Variants in LIN7A observed in about 807,000 individuals in gnomAD.
LIN7A encodes the protein protein lin-7 homolog A.
Under a neutral mutation model 29.8 loss-of-function variants are expected in LIN7A, and 25 were observed. The observed-to-expected ratio is 0.84, with a 90% confidence interval of 0.61 to 1.17. The LOEUF is 1.17. Ranked by LOEUF, LIN7A falls within the 50% of genes most tolerant of loss-of-function variation. The probability of loss-of-function intolerance (pLI) is 0.00; values close to 1 mark genes in which losing one functional copy is unlikely to be tolerated. For synonymous variants in LIN7A, 118 were observed against 107.5 expected, an observed-to-expected ratio of 1.10 and a Z score of -0.60; for missense variants, 239 against 287.0, an observed-to-expected ratio of 0.83 and a Z score of 1.21.
chr12:80,822,897 C>A (rs1273900491), intron 4 of LIN7A, among the ~76,000 whole-genome samples: 1 of 152,154 alleles, frequency 6.6e-6, no homozygotes, highest in South Asian at 2.1e-4. Flanking sequence ...GCCTGAAGCC[C>A]AGGGGCTGGG....
chr12:80,922,767 C>T (rs1877380211), intron 1 of LIN7A, among the ~76,000 whole-genome samples: 1 of 152,086 alleles, frequency 6.6e-6, no homozygotes, highest in Non-Finnish European at 1.5e-5. Flanking sequence ...ATGAATGATT[C>T]ATCTATTTTA....
intron 1 of LIN7A, among the ~76,000 whole-genome samples, chr12:80,917,413 T>G (rs1389981903): frequency 6.6e-6 from 1 of 152,162 alleles, no homozygotes; most frequent in African/African-American, 2.4e-5. Context: ...TTTTAATACT[T>G]AACTCACAAT....
rs1425570475 is a variant in LIN7A at position 80,807,073 on chromosome 12, T to TGTTTTTG, written c.*4391_*4392insCAAAAAC. 4.9e-4 allele frequency among the ~76,000 whole-genome samples: 26 copies of TGTTTTTG among 52,624 alleles called. 1 individual carries two copies. Among genetic ancestry groups the TGTTTTTG allele is most frequent in the South Asian group, 7.7e-4 (1 of 1,296 alleles). The allele number at this position is 52,624 out of a possible 152,430, so 34.5% of individuals were successfully genotyped here. ...TTTAATGAAGATGGAGTTTTTTTTT[T>TGTTTTTG]TTTTTTTTTTTTTTTTTTGACGGAG... On this transcript the variant is annotated intron_variant, in intron 5 of 5. Transcript: ENST00000552864.
At position 80,935,146 on chromosome 12, in the gene LIN7A, G is replaced by A. The variant is rs1357563151; in HGVS notation, c.82+2495C>T. Among the ~76,000 whole-genome samples the A allele has an allele frequency of 1.3e-5, 2 of 152,164 alleles. 1 individual carries two copies. The highest frequency in any genetic ancestry group is 2.9e-5 in the Non-Finnish European group (2 of 68,046). On this transcript the variant is annotated intron_variant, in intron 1 of 5. Transcript: ENST00000552864. Reference sequence around the variant, plus strand: ...ACATTATTTTTTTATTGTACTGTGAGTCAGGGACTATAGCAGACACTGAGA... The same window carrying A: ...ACATTATTTTTTTATTGTACTGTGAATCAGGGACTATAGCAGACACTGAGA...
At chr12:80,876,106 C>A (rs1267419329) in intron 2 of LIN7A, among the ~76,000 whole-genome samples, 1 of 142,566 alleles carries the variant, frequency 7.0e-6, no homozygotes, top group East Asian at 2.0e-4. Context: ...GAGAGACAGA[C>A]AGAGAGACAG....
At chr12:80,884,512 C>A (rs1875228418) in intron 2 of LIN7A, among the ~76,000 whole-genome samples, 1 of 152,200 alleles carries the variant, frequency 6.6e-6, no homozygotes, top group East Asian at 1.9e-4. Flanking sequence ...AGGAAGAGAA[C>A]ATGGCAAATC....
intron 2 of LIN7A, among the ~76,000 whole-genome samples, chr12:80,869,834 A>G (rs1176578459): frequency 1.3e-5 from 2 of 151,956 alleles, no homozygotes; most frequent in African/African-American, 2.4e-5. Flanking sequence ...CTGGCTCAAC[A>G]ACTGGGTAAC....
intron 5 of LIN7A, among the ~76,000 whole-genome samples, chr12:80,811,144 G>C (rs532459800): frequency 3.3e-5 from 5 of 152,256 alleles, no homozygotes; most frequent in African/African-American, 1.2e-4. Context: ...TTTGCACAGA[G>C]GCTGCATTTT....
chr12:80,797,857 C>T (rs1870527765), intron 5 of LIN7A, 131 bp from the exon 6 acceptor site: 2 of 152,400 alleles, frequency 1.3e-5, no homozygotes, highest in African/African-American at 4.8e-5. Flanking sequence ...ATCATTCATG[C>T]ACCATCTTCT....
intron 1 of LIN7A, among the ~76,000 whole-genome samples, chr12:80,917,307 T>G (rs1392382243): frequency 6.6e-6 from 1 of 152,184 alleles, no homozygotes; most frequent in Non-Finnish European, 1.5e-5. Context: ...CCAGCCATAT[T>G]AAGAATATTA....
intron 2 of LIN7A, among the ~76,000 whole-genome samples, chr12:80,885,635 A>G (rs1224993425): frequency 5.3e-5 from 8 of 152,066 alleles, no homozygotes; most frequent in Admixed American, 5.2e-4. Flanking sequence ...TTATTTCTTG[A>G]TAGAGGAATG....
At chr12:80,823,500 C>T (rs1871914199) in intron 4 of LIN7A, among the ~76,000 whole-genome samples, 1 of 152,374 alleles carries the variant, frequency 6.6e-6, no homozygotes, top group Middle Eastern at 3.4e-3. Context: ...CTGCCACAGC[C>T]AGCATGCCTG....
chr12:80,928,379 T>A (rs940600024), intron 1 of LIN7A, among the ~76,000 whole-genome samples: 3 of 152,186 alleles, frequency 2.0e-5, no homozygotes, highest in Admixed American at 2.0e-4. Context: ...GTTTCCTGAC[T>A]TTTTAATGAT....
chr12:80,842,195 C>G (rs1872855691), intron 4 of LIN7A: 10 of 1,131,416 alleles, frequency 8.8e-6, no homozygotes, highest in Non-Finnish European at 1.2e-5. Context: ...TGATTTCCCC[C>G]CCTTTCCATC....
intron 5 of LIN7A, among the ~76,000 whole-genome samples, chr12:80,798,327 T>G (rs1054243759): frequency 6.6e-6 from 1 of 152,228 alleles, no homozygotes; most frequent in Non-Finnish European, 1.5e-5. Flanking sequence ...AACAGTGATT[T>G]TTACATCTTC....
chr12:80,877,618 GAAGA>G (rs529207091), intron 2 of LIN7A, among the ~76,000 whole-genome samples: 3 of 152,220 alleles, frequency 2.0e-5, no homozygotes, highest in African/African-American at 7.2e-5. Context: ...AGAAAGGAAG[GAAGA>G]GAGGGAAGAA....
rs1197926063 is a variant in LIN7A at position 80,937,849 on chromosome 12, G to A, written c.-127C>T. ...GTGGTGGAGAAGAAAGCTTGGGTGG[G>A]TTGGTAGCCAGATGGAGACGCAACT... On this transcript the variant is annotated 5_prime_UTR_variant, in exon 1 of 6. Coordinates refer to ENST00000552864, the MANE Select transcript of LIN7A (RefSeq NM_004664.4). The A allele has an allele frequency of 1.8e-5, 12 of 675,512 alleles. No homozygotes were observed. The highest frequency in any genetic ancestry group is 3.6e-5 in the Admixed American group (1 of 27,658). The allele number at this position is 675,512 out of a possible 1,614,324, so 41.8% of individuals were successfully genotyped here.
At chr12:80,851,639 G>A (rs2121549452) in intron 2 of LIN7A, among the ~76,000 whole-genome samples, 1 of 152,252 alleles carries the variant, frequency 6.6e-6, no homozygotes, top group Non-Finnish European at 1.5e-5. Context: ...GATACCCTGA[G>A]AGAGTTCTTA....
At chr12:80,833,863 C>T (rs1002357097) in intron 4 of LIN7A, among the ~76,000 whole-genome samples, 9 of 152,088 alleles carry the variant, frequency 5.9e-5, no homozygotes, top group Admixed American at 1.3e-4. Flanking sequence ...TCTGAATTTT[C>T]GCTACACTGT....
Sources: allele counts gnomAD v4.1 joint callset (sites outside exome capture counted in the v4.1 genomes callset), GRCh38; gene constraint gnomAD v4.1.1; transcripts MANE v1.5; gene names NCBI Gene and HGNC (gene_info 2026-07-23, HGNC 2026-07-21).